The following BTG4 variants were observed in gnomAD, a reference collection of about 807,000 sequenced individuals.
The protein encoded by BTG4 is BTG anti-proliferation factor 4, also known as protein BTG4.
A neutral mutation model predicts 19.3 loss-of-function variants in BTG4; 10 were observed. The observed-to-expected ratio is 0.52, with a 90% CI of 0.32 to 0.88. The LOEUF is 0.88. Ranked by LOEUF, BTG4 falls within the 40% of genes least tolerant of loss-of-function variation. The pLI, the probability that BTG4 is intolerant of heterozygous loss-of-function variation, is 0.04. For synonymous variants in BTG4, 91 were observed against 95.7 expected (o/e 0.95, Z 0.29); for missense variants, 238 against 281.9 (o/e 0.84, Z 1.11).
intron 1 of BTG4, 148 bp from the exon 2 acceptor site, chr11:111,498,950 AC>A: frequency 1.8e-6 from 1 of 545,792 alleles, no homozygotes; most frequent in East Asian, 3.2e-5. Context: ...CTAGGTAAGT[AC>A]ATGAACACTA....
At chr11:111,499,577 A>G (rs1865943692) in intron 1 of BTG4, among the ~76,000 whole-genome samples, 1 of 152,230 alleles carries the variant, frequency 6.6e-6, no homozygotes, top group Admixed American at 6.5e-5. Flanking sequence ...ACAGAGTGAG[A>G]ATCAAGTGTT....
the BTG4 span, among the ~76,000 whole-genome samples, chr11:111,413,483 T>G: frequency 6.6e-6 from 1 of 152,226 alleles, no homozygotes; most frequent in Admixed American, 6.5e-5. Flanking sequence ...TGCCCTCACA[T>G]TCATTATCTC....
chr11:111,428,341 A>G, the BTG4 span, among the ~76,000 whole-genome samples: 1 of 152,086 alleles, frequency 6.6e-6, no homozygotes, highest in Non-Finnish European at 1.5e-5. Context: ...AAAGTCCCCC[A>G]ATTCAGTCCC....
At chr11:111,441,980 A>G in the BTG4 span, among the ~76,000 whole-genome samples, 5 of 151,390 alleles carry the variant, frequency 3.3e-5, no homozygotes, top group Admixed American at 6.6e-5. Context: ...AATCACTTGA[A>G]CCCGGGAGGA....
chr11:111,396,567 A>T, the BTG4 span, among the ~76,000 whole-genome samples: 1 of 152,368 alleles, frequency 6.6e-6, no homozygotes, highest in South Asian at 2.1e-4. Context: ...GAAAATCAAG[A>T]TAAATGTAAC....
At chr11:111,413,090 A>G in the BTG4 span, among the ~76,000 whole-genome samples, 1 of 152,206 alleles carries the variant, frequency 6.6e-6, no homozygotes, top group Non-Finnish European at 1.5e-5. Flanking sequence ...GGTGCCAAAA[A>G]GGCCAGCAAC....
At position 111,486,521 on chromosome 11, in the gene BTG4, T is replaced by C. The variant is rs144256544; in HGVS notation, c.662+8642A>G. 4.5e-3 allele frequency among the ~76,000 whole-genome samples: 684 copies of C among 152,184 alleles called. 5 individuals carry two copies. The highest frequency in any genetic ancestry group is 0.015 in the African/African-American group (637 of 41,508). On this transcript the variant is annotated intron_variant, in intron 5 of 5. Transcript: ENST00000356018. ...AAAAAATTGAGCAGAAGGTAATACT[T>C]CCAAACCCATACTATGAGGCCAGTA... is the stretch of plus-strand genomic sequence containing the variant.
At chr11:111,477,312 A>C (rs1864451913) in intron 5 of BTG4, among the ~76,000 whole-genome samples, 1 of 152,158 alleles carries the variant, frequency 6.6e-6, no homozygotes, top group African/African-American at 2.4e-5. Context: ...TAAAATCGAC[A>C]TTCTAGTTAT....
chr11:111,439,303 T>C, the BTG4 span, among the ~76,000 whole-genome samples: 1 of 152,224 alleles, frequency 6.6e-6, no homozygotes. Context: ...GCCCAGCGCA[T>C]TGTGGCAGCA....
At chr11:111,470,670 A>C (rs1464403865) in intron 5 of BTG4, among the ~76,000 whole-genome samples, 3 of 152,302 alleles carry the variant, frequency 2.0e-5, no homozygotes, top group Middle Eastern at 3.4e-3. Context: ...TAATCTCTGC[A>C]CTTTGGGAGG....
the BTG4 span, chr11:111,449,375 T>A: frequency 6.8e-6 from 1 of 147,378 alleles, no homozygotes; most frequent in Non-Finnish European, 1.5e-5. Context: ...CCACCGAGAC[T>A]TTGGAGAGCC....
At chr11:111,422,706 C>T in the BTG4 span, among the ~76,000 whole-genome samples, 11 of 152,128 alleles carry the variant, frequency 7.2e-5, no homozygotes, top group African/African-American at 2.7e-4. Context: ...GACAGGGTGA[C>T]TCCCGAGGCC....
chr11:111,453,610 A>G, the BTG4 span: 1 of 433,344 alleles, frequency 2.3e-6, no homozygotes, highest in Non-Finnish European at 4.7e-6. Context: ...CTAGAATCCC[A>G]GAGGCACCCC....
At chr11:111,427,570 A>C in the BTG4 span, among the ~76,000 whole-genome samples, 3 of 152,220 alleles carry the variant, frequency 2.0e-5, no homozygotes, top group Non-Finnish European at 4.4e-5. Flanking sequence ...TGGGGCTGGC[A>C]GAAAGCCCAT....
chr11:111,508,309 C>T (rs1866606224), intron 1 of BTG4, among the ~76,000 whole-genome samples: 2 of 151,890 alleles, frequency 1.3e-5, no homozygotes, highest in Non-Finnish European at 2.9e-5. Context: ...TATAAAACAA[C>T]ACATTGTATA....
the BTG4 span, chr11:111,418,302 T>C: frequency 2.0e-5 from 3 of 152,322 alleles, no homozygotes; most frequent in African/African-American, 7.2e-5. Context: ...GCACTTATTA[T>C]GTGCAAAGTG....
chr11:111,408,136 T>C, the BTG4 span, among the ~76,000 whole-genome samples: 1 of 152,178 alleles, frequency 6.6e-6, no homozygotes, highest in Non-Finnish European at 1.5e-5. Flanking sequence ...GCCCATGTCA[T>C]AGATGCAAGT....
chr11:111,489,677 A>C (rs927874258), intron 5 of BTG4, among the ~76,000 whole-genome samples: 1 of 152,248 alleles, frequency 6.6e-6, no homozygotes, highest in African/African-American at 2.4e-5. Flanking sequence ...TTCATAAAAA[A>C]TAATAAAATC....
At position 111,478,170 on chromosome 11, in the gene BTG4, G is replaced by GGGCTT. The variant is rs1591467104; in HGVS notation, c.663-10494_663-10490dup. 7.2e-5 allele frequency among the ~76,000 whole-genome samples: 11 copies of GGGCTT among 152,232 alleles called. No individual in the cohort carries two copies. In the East Asian group the frequency reaches 2.1e-3, roughly 29 times the overall value. On this transcript the variant is annotated intron_variant, in intron 5 of 5. Coordinates refer to the BTG4 transcript ENST00000356018. ...TCAGAGGAGGACAAGTAGAGAGTTA[G>GGGCTT]GGCTTATGCCATTGTCCAGTGATAA...
Sources: gnomAD v4.1 joint callset for allele counts (sites outside exome capture counted in the v4.1 genomes callset) on GRCh38, gnomAD v4.1.1 for gene constraint, MANE v1.5 for transcripts, NCBI Gene and HGNC (gene_info 2026-07-23, HGNC 2026-07-21) for gene names.